Variants in DTD1 observed in about 807,000 individuals in gnomAD.
The protein encoded by DTD1 is D-aminoacyl-tRNA deacylase 1.
A neutral mutation model predicts 25.6 loss-of-function variants in DTD1; 13 were observed. That is an observed-to-expected ratio of 0.51 (90% confidence interval 0.33 to 0.81). The LOEUF is 0.81. DTD1 is among the 30% of genes least tolerant of loss of function. The probability of loss-of-function intolerance (pLI) is 0.02; values close to 1 mark genes in which losing one functional copy is unlikely to be tolerated. For synonymous variants in DTD1, 110 were observed against 103.6 expected (o/e 1.06, Z -0.37); for missense variants, 193 against 266.4 (o/e 0.72, Z 1.92).
chr20:18,761,266 C>T (rs1328566350), intron 5 of DTD1, among the ~76,000 whole-genome samples: 1 of 152,084 alleles, frequency 6.6e-6, no homozygotes, highest in Non-Finnish European at 1.5e-5. Context: ...GTGAGATGAA[C>T]CCTGTACCTG....
At chr20:18,732,631 TG>T (rs1480626596) in intron 4 of DTD1, among the ~76,000 whole-genome samples, 1 of 152,216 alleles carries the variant, frequency 6.6e-6, no homozygotes, top group East Asian at 1.9e-4. Flanking sequence ...ACTTCAGCAC[TG>T]GGAGTGTTAG....
At chr20:18,742,786 G>A (rs781020777) in intron 4 of DTD1, among the ~76,000 whole-genome samples, 36 of 152,256 alleles carry the variant, frequency 2.4e-4, no homozygotes, top group Non-Finnish European at 4.1e-4. Flanking sequence ...TTCATCTCTC[G>A]AAGGGTTAAC....
rs1310140309 is a variant in DTD1, at chr20:18,764,941, A to G, written c.*1601A>G. ...AACTGTCATGTTTCTCCACCACAGCATTTTATTGCCACCAATTAATGCTTA... is the reference window on the plus strand; with the variant it reads ...AACTGTCATGTTTCTCCACCACAGCGTTTTATTGCCACCAATTAATGCTTA... On this transcript the variant is annotated 3_prime_UTR_variant, in exon 6 of 6. Coordinates refer to ENST00000377452, the MANE Select transcript of DTD1 (RefSeq NM_080820.6). 6.6e-6 allele frequency: 1 copy of G among 152,234 alleles called. No individual in the cohort carries two copies. Among genetic ancestry groups the G allele is most frequent in the Non-Finnish European group, 1.5e-5 (1 of 68,044 alleles). The allele number at this position is 152,234 out of a possible 1,614,324, so 9.4% of individuals were successfully genotyped here.
At chr20:18,708,252 T>TATTATA (rs1555801971) in intron 4 of DTD1, among the ~76,000 whole-genome samples, 3 of 31,780 alleles carry the variant, frequency 9.4e-5, no homozygotes, top group African/African-American at 5.0e-4. Context: ...ATAATATATA[T>TATTATA]TATATATATA....
At position 18,599,943 on chromosome 20, in the gene DTD1, C is replaced by G. The variant is rs562051753; in HGVS notation, c.370+3702C>G. On this transcript the variant is annotated intron_variant, in intron 3 of 5. Transcript: ENST00000377452. Reference sequence around the variant, plus strand: ...ATCAGATATGTCTTTTGCAAATATTCAACTTGCAAATATTTATCCTTTATC... The same window carrying G: ...ATCAGATATGTCTTTTGCAAATATTGAACTTGCAAATATTTATCCTTTATC... 2.6e-5 allele frequency among the ~76,000 whole-genome samples: 4 copies of G among 152,172 alleles called. No homozygotes were observed. In the East Asian group the frequency reaches 7.7e-4, roughly 29 times the overall value.
chr20:18,667,205 G>A (rs927449506), intron 4 of DTD1, among the ~76,000 whole-genome samples: 5 of 152,220 alleles, frequency 3.3e-5, no homozygotes, highest in African/African-American at 1.2e-4. Context: ...TAGCCCATCA[G>A]ATGGCATTGC....
At chr20:18,633,690 A>G (rs999649858) in intron 4 of DTD1, among the ~76,000 whole-genome samples, 5 of 152,224 alleles carry the variant, frequency 3.3e-5, no homozygotes, top group African/African-American at 1.2e-4. Flanking sequence ...CTTTAAGGAT[A>G]TGGAAAGTAG....
At position 18,593,711 on chromosome 20, in the gene DTD1, C is replaced by T. The variant is rs760706395; in HGVS notation, c.44-20C>T. On this transcript the variant is annotated intron_variant, in intron 1 of 5. Transcript: ENST00000377452. ...CTTGTTTGGTTCTGAGTTCTTCTCTCCCTTTTGGTTCCTTTCTAGTTGGAG... is the reference window on the plus strand; with the variant it reads ...CTTGTTTGGTTCTGAGTTCTTCTCTTCCTTTTGGTTCCTTTCTAGTTGGAG... 1.2e-6 allele frequency: 2 copies of T among 1,601,226 alleles called. No homozygotes were observed. The highest frequency in any genetic ancestry group is 1.3e-5 in the African/African-American group (1 of 74,668).
At chr20:18,761,832 A>G (rs1367598824) in intron 5 of DTD1, among the ~76,000 whole-genome samples, 1 of 152,238 alleles carries the variant, frequency 6.6e-6, no homozygotes, top group Non-Finnish European at 1.5e-5. Flanking sequence ...TTGGGTTAAC[A>G]TCATCCACAC....
intron 3 of DTD1, among the ~76,000 whole-genome samples, chr20:18,615,385 C>T (rs778016262): frequency 6.6e-5 from 10 of 152,136 alleles, no homozygotes; most frequent in African/African-American, 1.7e-4. Flanking sequence ...ATGAGCTAAA[C>T]GTTGAGGGTG....
intron 4 of DTD1, among the ~76,000 whole-genome samples, chr20:18,672,946 C>T (rs913261798): frequency 6.6e-6 from 1 of 152,186 alleles, no homozygotes; most frequent in Non-Finnish European, 1.5e-5. Context: ...AGCCAAAAAG[C>T]GAGCGGGCCC....
In DTD1 at chr20:18,631,455, G is replaced by GT. The variant is rs571936397; in HGVS notation, c.477+3223dup. 1,882 of 985,650 alleles carry GT rather than the reference G, an allele frequency of 1.9e-3. 3 individuals carry two copies. Among genetic ancestry groups the GT allele is most frequent in the Non-Finnish European group, 2.1e-3 (1,765 of 830,172 alleles). The allele number at this position is 985,650 out of a possible 1,614,324, so 61.1% of individuals were successfully genotyped here. On this transcript the variant is annotated intron_variant, in intron 4 of 5. Transcript: ENST00000377452. ...AAGCCTCTGTCCTCTTGTTGGTTCT[G>GT]TCTGCCTCTCACAGTCATCCATCTT...
At chr20:18,734,894 C>T (rs915650743) in intron 4 of DTD1, among the ~76,000 whole-genome samples, 1 of 152,158 alleles carries the variant, frequency 6.6e-6, no homozygotes, top group African/African-American at 2.4e-5. Flanking sequence ...TACCCTTTTG[C>T]CTTTAATTCA....
intron 4 of DTD1, among the ~76,000 whole-genome samples, chr20:18,657,427 C>G (rs2060895143): frequency 6.6e-6 from 1 of 152,202 alleles, no homozygotes; most frequent in African/African-American, 2.4e-5. Flanking sequence ...TAAAAATGGT[C>G]TAAAACTCAG....
At chr20:18,732,569 T>C (rs2061242264) in intron 4 of DTD1, among the ~76,000 whole-genome samples, 1 of 152,178 alleles carries the variant, frequency 6.6e-6, no homozygotes, top group South Asian at 2.1e-4. Flanking sequence ...CGTTTTACCA[T>C]TAGCCCCATT....
At chr20:18,726,313 T>C (rs2061222296) in intron 4 of DTD1, among the ~76,000 whole-genome samples, 1 of 152,236 alleles carries the variant, frequency 6.6e-6, no homozygotes, top group East Asian at 1.9e-4. Context: ...GGAATGTTCC[T>C]GATCTTGATT....
intron 4 of DTD1, among the ~76,000 whole-genome samples, chr20:18,699,418 G>A (rs1232003532): frequency 6.6e-6 from 1 of 152,212 alleles, no homozygotes; most frequent in African/African-American, 2.4e-5. Context: ...GTGACAGCAA[G>A]CCTTGAACAG....
intron 4 of DTD1, among the ~76,000 whole-genome samples, chr20:18,639,557 C>T (rs907346443): frequency 5.3e-5 from 8 of 151,928 alleles, no homozygotes; most frequent in Non-Finnish European, 8.8e-5. Context: ...CTACTGTGGG[C>T]TCCAGCGTGC....
chr20:18,600,995 A>G (rs761823155), intron 3 of DTD1, among the ~76,000 whole-genome samples: 9 of 152,156 alleles, frequency 5.9e-5, no homozygotes, highest in Non-Finnish European at 1.3e-4. Context: ...TTCTTGGATG[A>G]TCATGTCATC....
Sources: allele counts gnomAD v4.1 joint callset (sites outside exome capture counted in the v4.1 genomes callset), GRCh38; gene constraint gnomAD v4.1.1; transcripts MANE v1.5; gene names NCBI Gene and HGNC (gene_info 2026-07-23, HGNC 2026-07-21).